The following MXI1 variants were observed in gnomAD, a reference collection of about 807,000 sequenced individuals.
MXI1 encodes max-interacting protein 1.
In MXI1, 18 loss-of-function variants were observed where a neutral mutation model predicts 36.9. That is an observed-to-expected ratio of 0.49 (90% CI 0.34 to 0.72). MXI1 has a LOEUF of 0.72. MXI1 is among the 30% of genes least tolerant of loss of function. MXI1 has a pLI of 0.01. For synonymous variants in MXI1, 160 were observed against 146.7 expected (o/e 1.09, Z -0.65); for missense variants, 304 against 379.1 (o/e 0.80, Z 1.64).
At chr10:110,226,389 G>A (rs947812975) in intron 1 of MXI1, 335 of 1,253,280 alleles carry the variant, frequency 2.7e-4, no homozygotes, top group Non-Finnish European at 3.3e-4. Context: ...CGCATGAGGT[G>A]AGGTGTGCGC....
At chr10:110,227,968 C>A (rs1314843069) in intron 1 of MXI1, 2 of 520,620 alleles carry the variant, frequency 3.8e-6, no homozygotes, top group African/African-American at 3.8e-5. Flanking sequence ...GGGATAAACT[C>A]TTTGGTTTAG....
chr10:110,286,656 T>C lies in MXI1; in HGVS notation c.*1669T>C, dbSNP rs1857432216. On this transcript the variant is annotated 3_prime_UTR_variant, in exon 6 of 6. Transcript: ENST00000332674. ...GTGCAGTTGAGTTGTGTGTTAATGT[T>C]AGACTATCCCTTTGTGAGTGACACT... 1 of 152,674 alleles carries C rather than the reference T, an allele frequency of 6.5e-6. No individual in the cohort carries two copies. Among genetic ancestry groups the C allele is most frequent in the African/African-American group, 2.4e-5 (1 of 41,468 alleles). 9.5% of individuals were successfully genotyped at this position (152,674 alleles called of 1,614,324 possible). A position where few individuals can be genotyped will look rare whatever the true frequency, so the allele number is the denominator to read the frequency against.
chr10:110,278,824 C>A (rs1014117764), intron 3 of MXI1, among the ~76,000 whole-genome samples: 1 of 152,100 alleles, frequency 6.6e-6, no homozygotes, highest in Admixed American at 6.6e-5. Context: ...GAAAACCTCT[C>A]CTCTCGCCTG....
intron 1 of MXI1, chr10:110,227,376 A>T: frequency 7.2e-6 from 7 of 966,438 alleles, no homozygotes; most frequent in Non-Finnish European, 8.5e-6. Flanking sequence ...CGTGTGTGAG[A>T]GGTCGCGCAG....
chr10:110,212,351 C>T (rs967748847), intron 1 of MXI1, among the ~76,000 whole-genome samples: 2 of 152,154 alleles, frequency 1.3e-5, no homozygotes, highest in Non-Finnish European at 2.9e-5. Context: ...TCTTCCTTGC[C>T]CTGAAACCTC....
intron 3 of MXI1, among the ~76,000 whole-genome samples, chr10:110,253,722 A>G (rs571884521): frequency 1.3e-5 from 2 of 152,242 alleles, no homozygotes; most frequent in Admixed American, 6.5e-5. Flanking sequence ...TTAAAAGTCT[A>G]CAGTTTTAGA....
Position 110,208,101 on chromosome 10 carries a change from G to C in MXI1, c.274+19G>C. ...AACAAAAGTAAGTTTGGGGGCCCCTGCTCTTCCTCGGCGCCCGGTTCTTTC... is the reference window on the plus strand; with the variant it reads ...AACAAAAGTAAGTTTGGGGGCCCCTCCTCTTCCTCGGCGCCCGGTTCTTTC... On this transcript the variant is annotated intron_variant, in intron 1 of 5. Coordinates refer to ENST00000332674, the MANE Select transcript of MXI1 (RefSeq NM_130439.3). 1 of 1,566,962 alleles carries C rather than the reference G, an allele frequency of 6.4e-7. No homozygotes were observed. The highest frequency in any genetic ancestry group is 2.1e-4 in the Middle Eastern group (1 of 4,720).
intron 2 of MXI1, among the ~76,000 whole-genome samples, chr10:110,241,419 GA>G (rs1855664948): frequency 6.6e-6 from 1 of 151,920 alleles, no homozygotes; most frequent in Admixed American, 6.6e-5. Context: ...AACATTATTG[GA>G]AGGGCTTGGT....
intron 3 of MXI1, among the ~76,000 whole-genome samples, chr10:110,273,022 G>A (rs1481238810): frequency 7.1e-6 from 1 of 141,700 alleles, no homozygotes; most frequent in Non-Finnish European, 1.5e-5. Context: ...ATGCCATTTT[G>A]TAGAAATAGC....
At position 110,228,337 on chromosome 10, in the gene MXI1, C is replaced by A. The variant is rs781580254; in HGVS notation, c.407+16C>A. 1.9e-6 allele frequency: 3 copies of A among 1,613,938 alleles called. No individual in the cohort carries two copies. Among genetic ancestry groups the A allele is most frequent in the Admixed American group, 3.3e-5 (2 of 60,000 alleles). ...CTGCCAACAGGTAGCAAGCTGGGAA[C>A]GCTTAGAAGAGGGAACTGGAGGGAA... On this transcript the variant is annotated intron_variant, in intron 2 of 5. Coordinates refer to ENST00000332674, the MANE Select transcript of MXI1 (RefSeq NM_130439.3).
Position 110,244,895 on chromosome 10 carries a change from A to G in MXI1, c.437+38A>G, listed in dbSNP as rs775108376. 7.5e-6 allele frequency: 12 copies of G among 1,599,550 alleles called. No individual in the cohort carries two copies. The Admixed American group carries it at 1.9e-4, about 25-fold the overall frequency. On this transcript the variant is annotated intron_variant, in intron 3 of 5. Coordinates refer to ENST00000332674, the MANE Select transcript of MXI1 (RefSeq NM_130439.3). Reference sequence around the variant, plus strand: ...TGAGGTACAGCTTTCACTTACGTTTAAAAGCAAACTCACCATTTTACCTGT... The same window carrying G: ...TGAGGTACAGCTTTCACTTACGTTTGAAAGCAAACTCACCATTTTACCTGT...
chr10:110,239,476 A>G (rs953806701), intron 2 of MXI1, among the ~76,000 whole-genome samples: 15 of 152,154 alleles, frequency 9.9e-5, no homozygotes, highest in African/African-American at 3.6e-4. Flanking sequence ...TAAGTTCAGA[A>G]TATTTTCTAA....
chr10:110,212,177 G>A (rs987730306), intron 1 of MXI1, among the ~76,000 whole-genome samples: 14 of 152,184 alleles, frequency 9.2e-5, no homozygotes, highest in African/African-American at 2.4e-4. Flanking sequence ...GATCAGATGA[G>A]AGTAGAAAGC....
intron 2 of MXI1, among the ~76,000 whole-genome samples, chr10:110,238,019 G>A (rs73356724): frequency 0.041 from 6,231 of 152,220 alleles, 428 homozygotes; most frequent in African/African-American, 0.14. Flanking sequence ...AGAGAGAGAG[G>A]TCTGGGAGGA....
At chr10:110,211,253 T>G (rs553195477) in intron 1 of MXI1, among the ~76,000 whole-genome samples, 1 of 152,288 alleles carries the variant, frequency 6.6e-6, no homozygotes, top group East Asian at 1.9e-4. Context: ...GACAAACTTC[T>G]TTCCTCCGAC....
At chr10:110,208,751 C>G (rs998330920) in intron 1 of MXI1, among the ~76,000 whole-genome samples, 54 of 149,688 alleles carry the variant, frequency 3.6e-4, no homozygotes, top group South Asian at 1.5e-3. Context: ...CCCCCCCCCC[C>G]CCAAAGAAGG....
intron 1 of MXI1, among the ~76,000 whole-genome samples, chr10:110,216,977 T>G (rs1006020086): frequency 1.1e-4 from 17 of 152,054 alleles, no homozygotes; most frequent in Admixed American, 1.1e-3. Context: ...CTACAATCCT[T>G]TGTGTTTTTG....
Position 110,286,633 on chromosome 10 carries a change from G to A in MXI1, c.*1646G>A, listed in dbSNP as rs768789142. 2 of 152,600 alleles carry A rather than the reference G, an allele frequency of 1.3e-5. No homozygotes were observed. Among genetic ancestry groups the A allele is most frequent in the Non-Finnish European group, 2.9e-5 (2 of 68,036 alleles). 9.5% of individuals were successfully genotyped at this position (152,600 alleles called of 1,614,324 possible). On this transcript the variant is annotated 3_prime_UTR_variant, in exon 6 of 6. Coordinates refer to ENST00000332674, the MANE Select transcript of MXI1 (RefSeq NM_130439.3). Reference sequence around the variant, plus strand: ...AATAAAGACAACCATATTTAGCAGTGCAGTTGAGTTGTGTGTTAATGTTAG... The same window carrying A: ...AATAAAGACAACCATATTTAGCAGTACAGTTGAGTTGTGTGTTAATGTTAG...
intron 1 of MXI1, among the ~76,000 whole-genome samples, chr10:110,217,272 G>T (rs1407057547): frequency 6.6e-6 from 1 of 152,192 alleles, no homozygotes; most frequent in African/African-American, 2.4e-5. Context: ...GGGAGAGGGA[G>T]ATTGAGAAAT....
Sources: gnomAD v4.1 joint callset for allele counts (sites outside exome capture counted in the v4.1 genomes callset) on GRCh38, gnomAD v4.1.1 for gene constraint, MANE v1.5 for transcripts, NCBI Gene and HGNC (gene_info 2026-07-23, HGNC 2026-07-21) for gene names.